The following USP43 variants were observed in gnomAD, a reference collection of about 807,000 sequenced individuals.
The protein encoded by USP43 is ubiquitin specific peptidase 43, also known as ubiquitin carboxyl-terminal hydrolase 43.
A neutral mutation model predicts 90.7 loss-of-function variants in USP43; 33 were observed. The observed-to-expected ratio is 0.36, with a 90% CI of 0.28 to 0.49. USP43 has a LOEUF of 0.49. Ranked by LOEUF, USP43 falls within the 20% of genes least tolerant of loss-of-function variation. USP43 has a pLI of 0.98. For synonymous variants in USP43, 598 were observed against 615.8 expected (o/e 0.97, Z 0.43); for missense variants, 1,274 against 1,476.4 (o/e 0.86, Z 2.25).
In USP43 at chr17:9,645,841, C is replaced by T. The variant is rs1181736655; in HGVS notation, c.209C>T (p.Ala70Val). The change falls in exon 1 of 15, where the codon GCG (alanine) becomes GTG (valine). Residue 70 changes from alanine to valine, a missense_variant. By Grantham distance (64) the Ala-to-Val change is moderately conservative. This residue lies in a region of USP43 where 259 missense variants were observed against 373.7 expected (regional missense o/e 0.69). Transcript: ENST00000285199. This position sits in a 1 kb window ranked among gnomAD's most constrained non-coding sequence, Gnocchi z 6.8. ...GCCTGCGCCCCGGGCCCAGTTCCAG[C>T]GGCCCCCGGGAGCCCCGGGGAGGAA... ...GFACAPGPVP[A>V]APGSPGEERP... The T allele has an allele frequency of 1.4e-6, 2 of 1,402,096 alleles. No homozygotes were observed. The allele number at this position is 1,402,096 out of a possible 1,614,324, so 86.9% of individuals were successfully genotyped here.
intron 1 of USP43, chr17:9,647,393 T>A (rs891662249): frequency 5.9e-5 from 9 of 152,110 alleles, no homozygotes; most frequent in African/African-American, 2.2e-4. Context: ...GGCAGTATAG[T>A]ATAGTGGTTA....
chr17:9,646,941 G>C (rs1442027826), intron 1 of USP43: 1 of 151,824 alleles, frequency 6.6e-6, no homozygotes, highest in African/African-American at 2.4e-5. Context: ...GTTGCTGCCG[G>C]GTCGTGAGGC....
At position 9,709,482 on chromosome 17, in the gene USP43, G is replaced by A. The variant is rs113647539; in HGVS notation, c.2012-474G>A. ...TGTAATCCCAGCACTTTGGGAAGCCGAGGTGGGTGGATCATCTTAGGTCAG... is the reference window on the plus strand; with the variant it reads ...TGTAATCCCAGCACTTTGGGAAGCCAAGGTGGGTGGATCATCTTAGGTCAG... On this transcript the variant is annotated intron_variant, in intron 12 of 14. Transcript: ENST00000285199. This position sits in a 1 kb window ranked among gnomAD's most constrained non-coding sequence, Gnocchi z 5.0. Among the ~76,000 whole-genome samples, 9,219 of 152,102 alleles carry A rather than the reference G, an allele frequency of 0.061. 394 individuals are homozygous for A. The highest frequency in any genetic ancestry group is 0.11 in the African/African-American group (4,637 of 41,470).
intron 1 of USP43, among the ~76,000 whole-genome samples, chr17:9,652,660 C>T (rs964250361): frequency 6.6e-6 from 1 of 151,904 alleles, no homozygotes; most frequent in East Asian, 1.9e-4. Context: ...CACCCCTGGC[C>T]TGTTTCCATA....
At chr17:9,688,563 A>G (rs997214489) in intron 8 of USP43, among the ~76,000 whole-genome samples, 6 of 151,786 alleles carry the variant, frequency 4.0e-5, no homozygotes, top group Non-Finnish European at 5.9e-5. Flanking sequence ...GTTGGCCAGG[A>G]TGGTCTCAAT....
At chr17:9,663,122 GTT>G (rs756355407) in intron 2 of USP43, among the ~76,000 whole-genome samples, 215 of 141,996 alleles carry the variant, frequency 1.5e-3, no homozygotes, top group Admixed American at 2.4e-3. Flanking sequence ...TCAGCCTTAT[GTT>G]TTATATATAT....
chr17:9,646,308 T>C (rs954383620), intron 1 of USP43, among the ~76,000 whole-genome samples, 172 bp downstream of exon 1: 3 of 152,250 alleles, frequency 2.0e-5, no homozygotes, highest in Non-Finnish European at 4.4e-5. Context: ...CGCTTGCTTA[T>C]GTTTTCTTTG....
intron 1 of USP43, among the ~76,000 whole-genome samples, chr17:9,652,175 A>G (rs188996197): frequency 1.3e-5 from 2 of 148,278 alleles, no homozygotes; most frequent in Admixed American, 6.7e-5. Flanking sequence ...GCTTGAGGCC[A>G]GGAGTTCAGC....
At chr17:9,670,039 C>CTTTT (rs148536442) in intron 3 of USP43, among the ~76,000 whole-genome samples, 1 of 131,556 alleles carries the variant, frequency 7.6e-6, no homozygotes, top group Admixed American at 7.7e-5. Context: ...GAGGTGACTG[C>CTTTT]TTTTTTTTTT....
intron 12 of USP43, among the ~76,000 whole-genome samples, chr17:9,704,609 G>A (rs893833098): frequency 6.6e-6 from 1 of 152,154 alleles, no homozygotes; most frequent in African/African-American, 2.4e-5. Context: ...GAGCCACTGC[G>A]CCTGGCCTAG....
intron 8 of USP43, among the ~76,000 whole-genome samples, chr17:9,689,877 C>T (rs8079024): frequency 0.32 from 49,103 of 152,044 alleles, 9,237 homozygotes; most frequent in East Asian, 0.63. Flanking sequence ...GAAAAAGAGT[C>T]TTCTCCCCCA....
chr17:9,713,038 T>G (rs1916298003), intron 14 of USP43, among the ~76,000 whole-genome samples: 1 of 152,156 alleles, frequency 6.6e-6, no homozygotes, highest in Admixed American at 6.5e-5. Context: ...TGTTGGTAAC[T>G]GTAGTCACCT....
In USP43 at chr17:9,645,849, G is replaced by A. The variant is rs1911350499; in HGVS notation, c.217G>A (p.Gly73Arg). The stretch of plus-strand genomic sequence containing the variant: ...CCCGGGCCCAGTTCCAGCGGCCCCC[G>A]GGAGCCCCGGGGAGGAACGCCCGCC... ...CAPGPVPAAP[G>R]SPGEERPPGP... Residue 73 changes from glycine to arginine, a missense_variant, in exon 1 of 15, where the codon GGG becomes AGG. Physicochemically the swap from Gly to Arg is moderately radical, Grantham distance 125. Coordinates refer to ENST00000285199, the MANE Select transcript of USP43 (RefSeq NM_153210.5). The surrounding 1 kb of genome is among the most constrained non-coding windows in gnomAD (Gnocchi z 6.8). The A allele has an allele frequency of 2.1e-6, 3 of 1,408,162 alleles. No homozygotes were observed. Among genetic ancestry groups the A allele is most frequent in the Admixed American group, 3.8e-5 (1 of 26,662 alleles). The allele number at this position is 1,408,162 out of a possible 1,614,324, so 87.2% of individuals were successfully genotyped here. A position where few individuals can be genotyped will look rare whatever the true frequency, so the allele number is the denominator to read the frequency against.
Position 9,645,965 on chromosome 17 carries a change from C to G in USP43, c.333C>G (p.Phe111Leu). ...QGLKNHGNTC[F>L]MNAVVQCLSN... is the part of the protein sequence containing the mutation. ...TGAAGAACCACGGCAACACCTGTTTCATGAACGCGGTGGTGCAGTGTCTCA... is the reference window on the plus strand; with the variant it reads ...TGAAGAACCACGGCAACACCTGTTTGATGAACGCGGTGGTGCAGTGTCTCA... The change falls in exon 1 of 15, where the codon TTC becomes TTG. Residue 111 changes from phenylalanine (F) to leucine (L), a missense_variant. This residue lies in a region of USP43 where 259 missense variants were observed against 373.7 expected (regional missense o/e 0.69). Coordinates refer to ENST00000285199, the MANE Select transcript of USP43 (RefSeq NM_153210.5). This position sits in a 1 kb window ranked among gnomAD's most constrained non-coding sequence, Gnocchi z 6.8. 6.8e-7 allele frequency: 1 copy of G among 1,475,946 alleles called. No homozygotes were observed. The highest frequency in any genetic ancestry group is 8.9e-7 in the Non-Finnish European group (1 of 1,117,534). The allele number at this position is 1,475,946 out of a possible 1,614,324, so 91.4% of individuals were successfully genotyped here.
chr17:9,728,266 T>C lies in USP43; in HGVS notation c.2648T>C (p.Ile883Thr). 6.2e-7 allele frequency: 1 copy of C among 1,613,594 alleles called. No individual in the cohort carries two copies. The highest frequency in any genetic ancestry group is 8.5e-7 in the Non-Finnish European group (1 of 1,179,774). The change falls in exon 15 of 15, where the codon ATT (isoleucine) becomes ACT (threonine). Residue 883 changes from isoleucine (I) to threonine (T), a missense_variant. Transcript: ENST00000285199. The surrounding 1 kb of genome is among the most constrained non-coding windows in gnomAD (Gnocchi z 6.2). ...AACAGCGAAGATGGTGGGCGGGCCA[T>C]TGAAAGAGGTCCAGCCGGGGTGCCC... Reference protein sequence around the residue: ...PANSEDGGRAIERGPAGVPCP... With the variant: ...PANSEDGGRATERGPAGVPCP...
chr17:9,645,514 C>G (rs1313466193), upstream of USP43: 2 of 1,013,426 alleles, frequency 2.0e-6, no homozygotes, highest in Admixed American at 4.9e-5. The surrounding 1 kb of genome is among the most constrained non-coding windows in gnomAD (Gnocchi z 6.8). Context: ...GCCCCGTCCC[C>G]GCACACCTGG....
chr17:9,648,075 T>C (rs921755209), intron 1 of USP43, among the ~76,000 whole-genome samples: 3 of 152,126 alleles, frequency 2.0e-5, no homozygotes, highest in African/African-American at 7.2e-5. Context: ...TCACCCTCAA[T>C]GACTCACCAG....
At chr17:9,649,261 C>T (rs1308852254) in intron 1 of USP43, among the ~76,000 whole-genome samples, 1 of 152,070 alleles carries the variant, frequency 6.6e-6, no homozygotes, top group Non-Finnish European at 1.5e-5. Context: ...GAGCCGAGAT[C>T]GTGCCACTGT....
rs191928449 is a variant in USP43 at position 9,671,750 on chromosome 17, C to G, written c.741-3141C>G. Among the ~76,000 whole-genome samples, 610 of 152,200 alleles carry G rather than the reference C, an allele frequency of 4.0e-3. 3 individuals carry two copies. The highest frequency in any genetic ancestry group is 4.7e-3 in the Non-Finnish European group (318 of 68,016). On this transcript the variant is annotated intron_variant, in intron 3 of 14. Transcript: ENST00000285199. Reference sequence around the variant, plus strand: ...CCCCTTGAGTGCACTTGTGAGACAACAGGGCAGGACTGTGAATGTCCTGGA... The same window carrying G: ...CCCCTTGAGTGCACTTGTGAGACAAGAGGGCAGGACTGTGAATGTCCTGGA...
Sources: gnomAD v4.1 joint callset for allele counts (sites outside exome capture counted in the v4.1 genomes callset) on GRCh38, gnomAD v4.1.1 for gene constraint, gnomAD v4.1.1 regional missense constraint, Gnocchi (gnomAD v3.1) non-coding constraint, MANE v1.5 for transcripts, NCBI Gene and HGNC (gene_info 2026-07-23, HGNC 2026-07-21) for gene names.